Variants in TICRR observed in about 807,000 individuals in gnomAD.
TICRR encodes the protein TOPBP1 interacting checkpoint and replication regulator.
TICRR carries 132 observed loss-of-function variants against 178.1 expected under a neutral mutation model. That is an observed-to-expected ratio of 0.74 (90% CI 0.64 to 0.86). TICRR has a LOEUF of 0.86. TICRR is among the 40% of genes least tolerant of loss of function. The pLI is 0.00. For synonymous variants in TICRR, 991 were observed against 900.7 expected (o/e 1.10, Z -1.79); for missense variants, 2,587 against 2,334.3 (o/e 1.11, Z -2.23).
chr15:89,584,542 C>G lies in TICRR; in HGVS notation c.1176+15C>G, dbSNP rs2141954049. The stretch of plus-strand genomic sequence containing the variant: ...AGTTACACCTGGTAGGTATCCTCCA[C>G]ACGGGAAGTTATTCTTGTCTAACAA... On this transcript the variant is annotated intron_variant, in intron 3 of 21. Transcript: ENST00000268138. 6.6e-7 allele frequency: 1 copy of G among 1,525,390 alleles called. No homozygotes were observed. Among genetic ancestry groups the G allele is most frequent in the East Asian group, 2.3e-5 (1 of 43,690 alleles). The allele number at this position is 1,525,390 out of a possible 1,614,324, so 94.5% of individuals were successfully genotyped here. A position where few individuals can be genotyped will look rare whatever the true frequency, so the allele number is the denominator to read the frequency against.
chr15:89,625,764 A>G lies in TICRR; in HGVS notation c.5454A>G (p.Gly1818=), dbSNP rs759381790. 3 of 1,606,716 alleles carry G rather than the reference A, an allele frequency of 1.9e-6. No homozygotes were observed. In the South Asian group the frequency reaches 3.3e-5, roughly 18 times the overall value. The part of the protein sequence containing the change: ...SWSAWQLPST[G]DEEVFVSGST... Reference sequence around the variant, plus strand: ...GTGCATGGCAGCTACCCTCCACGGGAGACGAAGAGGTGTTTGTTTCCGGTG... The same window carrying G: ...GTGCATGGCAGCTACCCTCCACGGGGGACGAAGAGGTGTTTGTTTCCGGTG... The change falls in exon 20 of 22, where the codon GGA becomes GGG. Residue 1818 remains glycine, a synonymous_variant. Coordinates refer to ENST00000268138, the MANE Select transcript of TICRR (RefSeq NM_152259.4).
chr15:89,618,739 T>C lies in TICRR; in HGVS notation c.3019+529T>C, dbSNP rs556188216. Among the ~76,000 whole-genome samples, 32 of 152,302 alleles carry C rather than the reference T, an allele frequency of 2.1e-4. No individual in the cohort carries two copies. In the South Asian group the frequency reaches 6.6e-3, roughly 32 times the overall value. ...ACTTTGGGAAGCCAAGTGGGGAGGA[T>C]CACTGGCCAGGAGTTTGACACCATC... is the stretch of plus-strand genomic sequence containing the variant. On this transcript the variant is annotated intron_variant, in intron 17 of 21. Transcript: ENST00000268138.
chr15:89,624,990 GGTT>G lies in TICRR; in HGVS notation c.4682_4684del (p.Val1561del), dbSNP rs1352943652. On this transcript the variant is annotated inframe_deletion, in exon 20 of 22. Transcript: ENST00000268138. ...ACTCTGCCAGCCCACAGACCTATGA[GGTT>G]GAGCTGGAGATGCAAGCTTCTGGCC... 1 of 1,613,956 alleles carries G rather than the reference GGTT, an allele frequency of 6.2e-7. No homozygotes were observed. The highest frequency in any genetic ancestry group is 8.5e-7 in the Non-Finnish European group (1 of 1,180,038).
At chr15:89,623,387 A>C (rs1269353318) in intron 19 of TICRR, among the ~76,000 whole-genome samples, 3 of 152,270 alleles carry the variant, frequency 2.0e-5, no homozygotes, top group African/African-American at 7.2e-5. Context: ...AGATTATTAA[A>C]ATTATTTGTT....
intron 1 of TICRR, among the ~76,000 whole-genome samples, chr15:89,580,342 C>T (rs1020495312): frequency 6.6e-6 from 1 of 152,152 alleles, no homozygotes; most frequent in Non-Finnish European, 1.5e-5. Context: ...ACATCTTAAC[C>T]TTTCATTTTA....
intron 8 of TICRR, 23 bp from the exon 9 acceptor site, chr15:89,600,562 A>G (rs749736665): frequency 8.8e-6 from 10 of 1,133,504 alleles, no homozygotes; most frequent in South Asian, 1.5e-5. Flanking sequence ...CTATTCTCCT[A>G]TGTAATAATT....
In TICRR at chr15:89,608,867, A is replaced by G; in HGVS notation, c.2787A>G (p.Leu929=). ...QELLSPSKRS[L]KRGLPRSHSV... ...TGCTTTCCCCTTCAAAGAGATCACTAAAGCGGGGGTTGCCTAGAAGCCATT... is the reference window on the plus strand; with the variant it reads ...TGCTTTCCCCTTCAAAGAGATCACTGAAGCGGGGGTTGCCTAGAAGCCATT... The change falls in exon 15 of 22, where the codon CTA becomes CTG. Residue 929 remains leucine (L), a synonymous_variant. Coordinates refer to ENST00000268138, the MANE Select transcript of TICRR (RefSeq NM_152259.4). 1.2e-6 allele frequency: 2 copies of G among 1,611,452 alleles called. No homozygotes were observed. Among genetic ancestry groups the G allele is most frequent in the Non-Finnish European group, 1.7e-6 (2 of 1,179,090 alleles).
chr15:89,576,344 A>G, intron 1 of TICRR, 104 bp downstream of exon 1: 1 of 1,072,050 alleles, frequency 9.3e-7, no homozygotes, highest in Non-Finnish European at 1.3e-6. Context: ...AATGAGACTA[A>G]TATGACTATG....
Position 89,600,705 on chromosome 15 carries a change from T to TAA in TICRR, c.2153+25_2153+26dup, listed in dbSNP as rs35042759. 3 of 1,188,586 alleles carry TAA rather than the reference T, an allele frequency of 2.5e-6. No individual in the cohort carries two copies. The African/African-American group carries it at 4.7e-5, about 19-fold the overall frequency. The allele number at this position is 1,188,586 out of a possible 1,614,324, so 73.6% of individuals were successfully genotyped here. On this transcript the variant is annotated intron_variant, in intron 9 of 21. Coordinates refer to ENST00000268138, the MANE Select transcript of TICRR (RefSeq NM_152259.4). ...TAGAGAGTAAGTAACTACCATTTTT[T>TAA]AAAAAATCATCACTCTAAAAGCTGT...
Position 89,582,892 on chromosome 15 carries a change from T to C in TICRR, c.861T>C (p.Arg287=). The C allele has an allele frequency of 6.2e-7, 1 of 1,614,198 alleles. No homozygotes were observed. Among genetic ancestry groups the C allele is most frequent in the Non-Finnish European group, 8.5e-7 (1 of 1,180,022 alleles). The change falls in exon 2 of 22, where the codon CGT becomes CGC. Residue 287 remains arginine, a synonymous_variant. Coordinates refer to ENST00000268138, the MANE Select transcript of TICRR (RefSeq NM_152259.4). Reference sequence around the variant, plus strand: ...TGCCAACTGATGCCACTTTAAACCGTTTGCTCTACAATTCTCCTGAGTATG... The same window carrying C: ...TGCCAACTGATGCCACTTTAAACCGCTTGCTCTACAATTCTCCTGAGTATG... The part of the protein sequence containing the change: ...SMLPTDATLN[R]LLYNSPEYEA...
Position 89,624,836 on chromosome 15 carries a change from C to G in TICRR, c.4526C>G (p.Ser1509Cys). 6.2e-7 allele frequency: 1 copy of G among 1,614,192 alleles called. No homozygotes were observed. The highest frequency in any genetic ancestry group is 1.6e-4 in the Middle Eastern group (1 of 6,062). ...CTGTCTCACCCTGGGATTCCCCCAT[C>G]TCCTCCTTCCTGTGGGCCTGGCTCT... ...SSLSHPGIPPSPPSCGPGSPL... is the reference protein window; with the variant it reads ...SSLSHPGIPPCPPSCGPGSPL... Residue 1509 changes from serine (S) to cysteine (C), a missense_variant, in exon 20 of 22, where the codon TCT (serine) becomes TGT (cysteine). Coordinates refer to ENST00000268138, the MANE Select transcript of TICRR (RefSeq NM_152259.4).
chr15:89,625,109 G>C lies in TICRR; in HGVS notation c.4799G>C (p.Ser1600Thr), dbSNP rs767189301. ...SKEESSLGEE[S>T]FLPALSMPRA... ...GAGGAGAGCTCTCTGGGAGAAGAGA[G>C]CTTCCTCCCTGCTCTCAGCATGCCC... The change falls in exon 20 of 22, where the codon AGC becomes ACC. Residue 1600 changes from serine (S) to threonine (T), a missense_variant. Transcript: ENST00000268138. The C allele has an allele frequency of 2.5e-6, 4 of 1,613,916 alleles. No individual in the cohort carries two copies. The South Asian group carries it at 4.4e-5, about 18-fold the overall frequency.
rs758905297 is a variant in TICRR, at chr15:89,627,048, CG to C, written c.5697del (p.Lys1900ArgfsTer17). 2.5e-6 allele frequency: 4 copies of C among 1,614,126 alleles called. No homozygotes were observed. In the South Asian group the frequency reaches 4.4e-5, roughly 18 times the overall value. Reference sequence around the variant, plus strand: ...GCGCCCCATCAGCAGAACTTATACACGGAAGAAGCTCATGGGAACCTGGCTG... The same window carrying C: ...GCGCCCCATCAGCAGAACTTATACACGAAGAAGCTCATGGGAACCTGGCTG... ...RRRPISRTYT[R>X]KKLMGTWLED... is the part of the protein sequence containing the mutation. On this transcript the variant is annotated frameshift_variant, in exon 22 of 22. Coordinates refer to ENST00000268138, the MANE Select transcript of TICRR (RefSeq NM_152259.4). LOFTEE classifies it low-confidence loss of function (END_TRUNC).
In TICRR at chr15:89,576,233, G is replaced by C; in HGVS notation, c.647G>C (p.Trp216Ser). The change falls in exon 1 of 22, where the codon TGG (tryptophan) becomes TCG (serine). Residue 216 changes from tryptophan (W) to serine (S), a missense_variant. Coordinates refer to ENST00000268138, the MANE Select transcript of TICRR (RefSeq NM_152259.4). ...TTCTACTGGGTGGATACCACCGAAT[G>C]GTCTAAGGTAAGGAAGGTTACTGTC... ...ITFYWVDTTE[W>S]SKLWESPDHL... 6.4e-7 allele frequency: 1 copy of C among 1,564,366 alleles called. No individual in the cohort carries two copies. Among genetic ancestry groups the C allele is most frequent in the Non-Finnish European group, 8.6e-7 (1 of 1,160,044 alleles).
intron 1 of TICRR, chr15:89,582,181 G>T (rs750023235): frequency 6.6e-6 from 1 of 152,302 alleles, no homozygotes; most frequent in Admixed American, 6.6e-5. Context: ...ACAATTAGGC[G>T]GGCATGGTGG....
Position 89,595,593 on chromosome 15 carries a change from A to G in TICRR, c.1882A>G (p.Arg628Gly), listed in dbSNP as rs1036557802. ...ATTGGAAGACAGAGGAAGAACACTAAGAAGTTCTAAACCTAAAGGTATTCC... is the reference window on the plus strand; with the variant it reads ...ATTGGAAGACAGAGGAAGAACACTAGGAAGTTCTAAACCTAAAGGTATTCC... ...DKLEDRGRTLRSSKPKDFKTE... is the reference protein window; with the variant it reads ...DKLEDRGRTLGSSKPKDFKTE... Residue 628 changes from arginine (R) to glycine (G), a missense_variant, in exon 7 of 22, where the codon AGA becomes GGA. By Grantham distance (125) the Arg-to-Gly change is moderately radical. Coordinates refer to ENST00000268138, the MANE Select transcript of TICRR (RefSeq NM_152259.4). 8.7e-6 allele frequency: 14 copies of G among 1,613,844 alleles called. No homozygotes were observed. The highest frequency in any genetic ancestry group is 1.2e-5 in the Non-Finnish European group (14 of 1,179,760).
chr15:89,614,142 A>G (rs2141974732), intron 15 of TICRR, among the ~76,000 whole-genome samples: 5 of 152,182 alleles, frequency 3.3e-5, no homozygotes, highest in Admixed American at 3.3e-4. Flanking sequence ...CAACAGAGCG[A>G]GACTCTGTCT....
rs138294313 is a variant in TICRR at position 89,625,962 on chromosome 15, G to A, written c.5503G>A (p.Val1835Met). 2.8e-5 allele frequency: 45 copies of A among 1,596,056 alleles called. No homozygotes were observed. The highest frequency in any genetic ancestry group is 1.4e-4 in the South Asian group (12 of 87,200). Reference sequence around the variant, plus strand: ...CTCCACCCCACCTCCCAGCTGTGCCGTGCGGAGCTGCCTCTCTGCCAGTGC... The same window carrying A: ...CTCCACCCCACCTCCCAGCTGTGCCATGCGGAGCTGCCTCTCTGCCAGTGC... ...SGSTPPPSCA[V>M]RSCLSASALQ... Residue 1835 changes from valine (V) to methionine (M), a missense_variant, in exon 21 of 22, where the codon GTG becomes ATG. By Grantham distance (21) the Val-to-Met change is conservative. Transcript: ENST00000268138.
intron 7 of TICRR, among the ~76,000 whole-genome samples, chr15:89,597,263 C>T (rs1021183047): frequency 4.6e-5 from 7 of 152,240 alleles, no homozygotes; most frequent in Non-Finnish European, 1.5e-5. Context: ...GTGACTCATG[C>T]CTGTAATCCT....
Sources: gnomAD v4.1 joint callset for allele counts (sites outside exome capture counted in the v4.1 genomes callset) on GRCh38, gnomAD v4.1.1 for gene constraint, MANE v1.5 for transcripts, NCBI Gene and HGNC (gene_info 2026-07-23, HGNC 2026-07-21) for gene names.